ZNRF1: variants seen among roughly 807,000 people sequenced by gnomAD.
ZNRF1 encodes the protein E3 ubiquitin-protein ligase ZNRF1.
ZNRF1 carries 3 observed loss-of-function variants against 18.4 expected under a neutral mutation model. The ratio of observed to expected loss-of-function variants is 0.16; its 90% confidence interval spans 0.07 to 0.42. ZNRF1 has a LOEUF of 0.42. Ranked by LOEUF, ZNRF1 falls within the 10% of genes least tolerant of loss-of-function variation. The probability of loss-of-function intolerance (pLI) is 0.99; values close to 1 mark genes in which losing one functional copy is unlikely to be tolerated. For synonymous variants in ZNRF1, 157 were observed against 144.2 expected, an observed-to-expected ratio of 1.09 and a Z score of -0.64; for missense variants, 310 against 329.8, an observed-to-expected ratio of 0.94 and a Z score of 0.47.
In ZNRF1 at chr16:75,014,145, T is replaced by A. The variant is rs972367545; in HGVS notation, c.424+14050T>A. Among the ~76,000 whole-genome samples, 10 of 152,316 alleles carry A rather than the reference T, an allele frequency of 6.6e-5. No homozygotes were observed. The South Asian group carries it at 8.3e-4, about 13-fold the overall frequency. On this transcript the variant is annotated intron_variant, in intron 1 of 4. Transcript: ENST00000335325. The stretch of plus-strand genomic sequence containing the variant: ...CGCGCCTAGCCTGGAATTATTTTTT[T>A]AAAAATGAAATATTTTAGGCATTCA...
At chr16:75,048,189 G>A (rs1268952073) in intron 1 of ZNRF1, among the ~76,000 whole-genome samples, 1 of 152,138 alleles carries the variant, frequency 6.6e-6, no homozygotes, top group Admixed American at 6.6e-5. Flanking sequence ...GGACTCAAGT[G>A]ATTCACCTGC....
chr16:75,070,256 T>G (rs902846807), intron 1 of ZNRF1, among the ~76,000 whole-genome samples: 2 of 152,186 alleles, frequency 1.3e-5, no homozygotes, highest in African/African-American at 4.8e-5. Flanking sequence ...CAGGGCCGCC[T>G]AGCCCAGGCC....
At chr16:75,013,954 C>G (rs1007271762) in intron 1 of ZNRF1, among the ~76,000 whole-genome samples, 1 of 151,928 alleles carries the variant, frequency 6.6e-6, no homozygotes, top group African/African-American at 2.4e-5. Flanking sequence ...CTCAGCCTCC[C>G]GAGTAGTTGG....
intron 1 of ZNRF1, among the ~76,000 whole-genome samples, chr16:75,082,557 G>A (rs927730443): frequency 1.3e-5 from 2 of 152,128 alleles, no homozygotes; most frequent in African/African-American, 4.8e-5. Context: ...GCAGTAAGTA[G>A]ACAGGAATAT....
chr16:75,105,422 G>C, intron 3 of ZNRF1: 1 of 153,454 alleles, frequency 6.5e-6, no homozygotes, highest in Admixed American at 6.5e-5. Flanking sequence ...TGGGACTCCA[G>C]TGTGAGCCTC....
At chr16:75,107,684 A>G (rs995981707) in intron 4 of ZNRF1, 49 bp from the exon 5 acceptor site, 1 of 456,048 alleles carries the variant, frequency 2.2e-6, no homozygotes, top group Non-Finnish European at 4.4e-6. Flanking sequence ...GGATGAGCAG[A>G]CAGCCCTCGG....
At chr16:75,032,785 G>C (rs752876074) in intron 1 of ZNRF1, among the ~76,000 whole-genome samples, 1 of 151,984 alleles carries the variant, frequency 6.6e-6, no homozygotes, top group Admixed American at 6.6e-5. Context: ...CACTTTGGGA[G>C]GCCAAGTCAG....
chr16:75,057,811 T>C (rs948681692), intron 1 of ZNRF1, among the ~76,000 whole-genome samples: 1 of 152,200 alleles, frequency 6.6e-6, no homozygotes, highest in Non-Finnish European at 1.5e-5. Flanking sequence ...CAGCTAATTA[T>C]TGTATTTTTA....
chr16:75,106,666 C>T (rs1456914111), intron 4 of ZNRF1, 95 bp downstream of exon 4: 1 of 934,126 alleles, frequency 1.1e-6, no homozygotes, highest in Non-Finnish European at 1.7e-6. Context: ...CCTTATGCCA[C>T]TGAGAAGAAA....
intron 1 of ZNRF1, among the ~76,000 whole-genome samples, chr16:75,054,796 G>T (rs761411888): frequency 6.6e-6 from 1 of 152,222 alleles, no homozygotes; most frequent in Non-Finnish European, 1.5e-5. Context: ...CTCTAGGAAT[G>T]TGGGAATTGC....
At chr16:75,041,935 G>T (rs574394843) in intron 1 of ZNRF1, among the ~76,000 whole-genome samples, 1 of 152,180 alleles carries the variant, frequency 6.6e-6, no homozygotes, top group African/African-American at 2.4e-5. Context: ...GACGGAGGTC[G>T]CAGTGAGCTG....
intron 1 of ZNRF1, among the ~76,000 whole-genome samples, chr16:75,049,680 A>G (rs2035565772): frequency 6.6e-6 from 1 of 152,212 alleles, no homozygotes; most frequent in African/African-American, 2.4e-5. Context: ...ACTTCTGTAC[A>G]GTAAGACTAG....
intron 1 of ZNRF1, chr16:75,000,507 C>T (rs1172902583): frequency 2.8e-6 from 1 of 352,800 alleles, no homozygotes; most frequent in Non-Finnish European, 5.6e-6. Context: ...GTCTCCTAAA[C>T]AGAGTGTGTG....
chr16:75,050,868 C>G (rs1359622425), intron 1 of ZNRF1, among the ~76,000 whole-genome samples: 3 of 57,690 alleles, frequency 5.2e-5, no homozygotes, highest in African/African-American at 2.2e-4. Context: ...AAGACTCCGT[C>G]TCAAAAAAAA....
At chr16:75,052,730 C>G (rs2035621135) in intron 1 of ZNRF1, among the ~76,000 whole-genome samples, 1 of 152,182 alleles carries the variant, frequency 6.6e-6, no homozygotes, top group African/African-American at 2.4e-5. Flanking sequence ...TAACCACCAC[C>G]TCAACCGTGC....
At chr16:75,034,769 G>C (rs1187223088) in intron 1 of ZNRF1, among the ~76,000 whole-genome samples, 1 of 151,948 alleles carries the variant, frequency 6.6e-6, no homozygotes, top group Non-Finnish European at 1.5e-5. Flanking sequence ...TGGGATTACA[G>C]GTGTGCACCA....
intron 1 of ZNRF1, among the ~76,000 whole-genome samples, chr16:75,040,653 C>T (rs2035435350): frequency 8.6e-6 from 1 of 116,332 alleles, no homozygotes; most frequent in Admixed American, 1.3e-4. Flanking sequence ...GTTGCCCAGG[C>T]TGGAGTGCAG....
At chr16:75,077,455 C>G (rs1029612930) in intron 1 of ZNRF1, among the ~76,000 whole-genome samples, 2 of 152,216 alleles carry the variant, frequency 1.3e-5, no homozygotes, top group African/African-American at 2.4e-5. Context: ...TTGCTCGAAC[C>G]TGGGAGACAG....
At chr16:75,077,657 T>A (rs2035957960) in intron 1 of ZNRF1, among the ~76,000 whole-genome samples, 1 of 152,246 alleles carries the variant, frequency 6.6e-6, no homozygotes, top group African/African-American at 2.4e-5. Flanking sequence ...ATGTATTTTC[T>A]TGCATTTTTG....
Sources: gnomAD v4.1 joint callset for allele counts (sites outside exome capture counted in the v4.1 genomes callset) on GRCh38, gnomAD v4.1.1 for gene constraint, MANE v1.5 for transcripts, NCBI Gene and HGNC (gene_info 2026-07-23, HGNC 2026-07-21) for gene names.